RNF216: variants seen among roughly 807,000 people sequenced by gnomAD.
RNF216 encodes ring finger protein 216.
A neutral mutation model predicts 110.8 loss-of-function variants in RNF216; 72 were observed. The ratio of observed to expected loss-of-function variants is 0.65; its 90% CI spans 0.54 to 0.79. RNF216 has a LOEUF of 0.79. Ranked by LOEUF, RNF216 falls within the 30% of genes least tolerant of loss-of-function variation. The probability of loss-of-function intolerance (pLI) is 0.00; values close to 1 mark genes in which losing one functional copy is unlikely to be tolerated. For missense variants in RNF216, 1,342 were observed against 1,141.2 expected, an observed-to-expected ratio of 1.18 and a Z score of -2.54; for synonymous variants, 495 against 407.5, an observed-to-expected ratio of 1.21 and a Z score of -2.59.
chr7:5,705,345 T>C (rs1792214203), intron 13 of RNF216, among the ~76,000 whole-genome samples: 1 of 152,216 alleles, frequency 6.6e-6, no homozygotes, highest in Non-Finnish European at 1.5e-5. Context: ...AACTACATAG[T>C]GGTCCAAACC....
intron 14 of RNF216, among the ~76,000 whole-genome samples, chr7:5,644,823 T>C (rs1787955118): frequency 6.8e-6 from 1 of 147,502 alleles, no homozygotes. Flanking sequence ...TATTTTCTTT[T>C]TTTCTTTTTT....
intron 2 of RNF216, among the ~76,000 whole-genome samples, chr7:5,760,111 A>T (rs1210386339): frequency 6.6e-6 from 1 of 152,230 alleles, no homozygotes; most frequent in Non-Finnish European, 1.5e-5. Context: ...TTTTAGCCCA[A>T]GTGTAAATGT....
At chr7:5,700,379 T>C (rs1331724030) in intron 13 of RNF216, among the ~76,000 whole-genome samples, 1 of 152,222 alleles carries the variant, frequency 6.6e-6, no homozygotes, top group African/African-American at 2.4e-5. Context: ...ACATTTCTTA[T>C]AAAAAGGTAT....
Position 5,715,590 on chromosome 7 carries a change from A to G in RNF216, c.1696-400T>C, listed in dbSNP as rs1792997689. 3.3e-5 allele frequency among the ~76,000 whole-genome samples: 3 copies of G among 89,998 alleles called. No individual in the cohort carries two copies. In the South Asian group the frequency reaches 1.4e-3, roughly 42 times the overall value. The allele number at this position is 89,998 out of a possible 152,430, so 59.0% of individuals were successfully genotyped here. ...TCAAAAGTTGAATTTTGTTCTTGTC[A>G]TAAGGAGTGTGAATGGGTCTATCGA... is the stretch of plus-strand genomic sequence containing the variant. On this transcript the variant is annotated intron_variant, in intron 10 of 16. Coordinates refer to ENST00000389902, the MANE Select transcript of RNF216 (RefSeq NM_207111.4).
chr7:5,637,546 C>T (rs1282459680), intron 15 of RNF216, among the ~76,000 whole-genome samples: 3 of 152,184 alleles, frequency 2.0e-5, no homozygotes, highest in Non-Finnish European at 2.9e-5. Flanking sequence ...CAGGATTATA[C>T]ATTTCTTTCC....
At chr7:5,711,954 C>G (rs770287596) in intron 12 of RNF216, 115 bp from the exon 13 acceptor site, 1 of 786,866 alleles carries the variant, frequency 1.3e-6, no homozygotes, top group East Asian at 2.7e-5. Flanking sequence ...TTCACATCCC[C>G]TTTATACTCC....
chr7:5,777,110 G>A (rs1291320060), intron 1 of RNF216, among the ~76,000 whole-genome samples: 1 of 152,106 alleles, frequency 6.6e-6, no homozygotes, highest in African/African-American at 2.4e-5. Context: ...CACGTGGAGG[G>A]AAAGAGCCAG....
At chr7:5,676,909 C>T (rs1790334131) in intron 13 of RNF216, among the ~76,000 whole-genome samples, 1 of 152,086 alleles carries the variant, frequency 6.6e-6, no homozygotes, top group South Asian at 2.1e-4. Flanking sequence ...CAAAATGGGA[C>T]CAGTGAACAC....
intron 1 of RNF216, among the ~76,000 whole-genome samples, chr7:5,762,935 C>T (rs1250622267): frequency 1.3e-5 from 2 of 152,146 alleles, no homozygotes; most frequent in African/African-American, 4.8e-5. Context: ...TAATCCATCC[C>T]TCTCTTCCTT....
chr7:5,722,367 A>ATG (rs1793479186), intron 8 of RNF216, among the ~76,000 whole-genome samples: 1 of 31,128 alleles, frequency 3.2e-5, no homozygotes, highest in Non-Finnish European at 9.7e-5. Context: ...GCTCATTCTC[A>ATG]TGTTTTTTTT....
intron 1 of RNF216, among the ~76,000 whole-genome samples, chr7:5,775,800 C>G (rs1303082353): frequency 6.6e-6 from 1 of 151,414 alleles, no homozygotes; most frequent in African/African-American, 2.4e-5. Context: ...ACCCGGGATG[C>G]AAAGCTTGCA....
intron 1 of RNF216, among the ~76,000 whole-genome samples, chr7:5,775,712 T>C (rs1393366909): frequency 1.3e-5 from 2 of 151,806 alleles, no homozygotes; most frequent in African/African-American, 4.8e-5. Context: ...CTACTAAAAA[T>C]ACAAAAACTA....
chr7:5,667,582 A>G (rs964493016), intron 13 of RNF216, among the ~76,000 whole-genome samples: 1 of 152,202 alleles, frequency 6.6e-6, no homozygotes, highest in Non-Finnish European at 1.5e-5. Flanking sequence ...CAAACTGTCA[A>G]ATAGAAACAC....
At chr7:5,749,694 G>A (rs1013640489) in intron 3 of RNF216, among the ~76,000 whole-genome samples, 2 of 152,176 alleles carry the variant, frequency 1.3e-5, no homozygotes, top group South Asian at 2.1e-4. Flanking sequence ...CTAAAGTGCT[G>A]TGTGTTCAAA....
rs929222034 is a variant in RNF216 at position 5,711,291 on chromosome 7, T to C, written c.2061+470A>G. ...AGTCAGTTCTCATGAGGAGAAACAG[T>C]CAAATAAATAACCTACCAGATGTGA... On this transcript the variant is annotated intron_variant, in intron 13 of 16. Coordinates refer to ENST00000389902, the MANE Select transcript of RNF216 (RefSeq NM_207111.4). Among the ~76,000 whole-genome samples, 3 of 152,148 alleles carry C rather than the reference T, an allele frequency of 2.0e-5. No homozygotes were observed. In the East Asian group the frequency reaches 5.8e-4, roughly 29 times the overall value.
chr7:5,717,244 T>TCCCAAG (rs1793122733), intron 9 of RNF216, among the ~76,000 whole-genome samples: 1 of 152,088 alleles, frequency 6.6e-6, no homozygotes, highest in Non-Finnish European at 1.5e-5. Context: ...TCCCAGCTAC[T>TCCCAAG]TGGGAGGCTG....
At chr7:5,773,741 TA>T in intron 1 of RNF216, among the ~76,000 whole-genome samples, 1 of 152,100 alleles carries the variant, frequency 6.6e-6, no homozygotes, top group Non-Finnish European at 1.5e-5. Flanking sequence ...TTAATTTTTG[TA>T]TTTTTAGTAG....
intron 13 of RNF216, among the ~76,000 whole-genome samples, chr7:5,705,577 C>T (rs1052953131): frequency 2.0e-5 from 3 of 152,104 alleles, no homozygotes; most frequent in African/African-American, 7.2e-5. Flanking sequence ...GCACATCCCT[C>T]TTGGCAGAGG....
intron 13 of RNF216, among the ~76,000 whole-genome samples, chr7:5,704,025 A>G (rs1322358637): frequency 6.6e-6 from 1 of 152,222 alleles, no homozygotes; most frequent in African/African-American, 2.4e-5. Flanking sequence ...TAAAAGCAGC[A>G]CACTGAAAAC....
Sources: gnomAD v4.1 joint callset for allele counts (sites outside exome capture counted in the v4.1 genomes callset) on GRCh38, gnomAD v4.1.1 for gene constraint, MANE v1.5 for transcripts, NCBI Gene and HGNC (gene_info 2026-07-23, HGNC 2026-07-21) for gene names.